Variants in CHD6 observed in about 807,000 individuals in gnomAD.
CHD6 encodes chromodomain helicase DNA binding protein 6.
Under a neutral mutation model 276.9 loss-of-function variants are expected in CHD6, and 50 were observed. That is an observed-to-expected ratio of 0.18 (90% CI 0.14 to 0.23). The LOEUF is 0.23. Among genes scored for constraint, CHD6 ranks in the 10% least tolerant of loss-of-function variants. The probability of loss-of-function intolerance (pLI) is 1.00; values close to 1 mark genes in which losing one functional copy is unlikely to be tolerated. For missense variants in CHD6, 2,564 were observed against 3,365.8 expected (o/e 0.76, Z 5.89); for synonymous variants, 1,173 against 1,229.3 (o/e 0.95, Z 0.96).
intron 5 of CHD6, among the ~76,000 whole-genome samples, chr20:41,500,804 T>G (rs1345760571): frequency 6.6e-6 from 1 of 152,086 alleles, no homozygotes; most frequent in Non-Finnish European, 1.5e-5. Context: ...ATTTTTTGAA[T>G]GCTAAATAAC....
rs766108971 is a variant in CHD6, at chr20:41,440,106, G to C, written c.3901C>G (p.Arg1301Gly). The change falls in exon 26 of 37, where the codon CGA (arginine) becomes GGA (glycine). Residue 1301 changes from arginine to glycine, a missense_variant. Arg to Gly is a moderately radical substitution (Grantham distance 125, BLOSUM62 -2). Coordinates refer to ENST00000373233, the MANE Select transcript of CHD6 (RefSeq NM_032221.5). The part of the protein sequence containing the change: ...KHGYERYNAM[R>G]ADPALCFLEK... ...AGGAAGCAAAGTGCTGGGTCTGCTC[G>C]CATGGCATTGTACCTTTCATAACCT... 1 of 1,613,852 alleles carries C rather than the reference G, an allele frequency of 6.2e-7. No homozygotes were observed.
intron 5 of CHD6, among the ~76,000 whole-genome samples, chr20:41,507,191 A>C (rs1020026850): frequency 1.3e-5 from 2 of 152,210 alleles, no homozygotes; most frequent in Non-Finnish European, 2.9e-5. Context: ...CCTACCATGA[A>C]GAATAGATAA....
intron 7 of CHD6, 124 bp from the exon 8 acceptor site, chr20:41,497,625 C>A (rs942443973): frequency 2.6e-5 from 20 of 756,252 alleles, no homozygotes; most frequent in Non-Finnish European, 4.5e-5. Flanking sequence ...TGTGAAACTG[C>A]TGGAGATTGG....
chr20:41,493,040 AAAC>A (rs2043593227), intron 10 of CHD6, among the ~76,000 whole-genome samples: 1 of 152,244 alleles, frequency 6.6e-6, no homozygotes, highest in African/African-American at 2.4e-5. Flanking sequence ...AGAATCAGAA[AAAC>A]AAATAAATTC....
intron 2 of CHD6, among the ~76,000 whole-genome samples, chr20:41,545,264 C>T (rs75591427): frequency 6.6e-6 from 1 of 152,096 alleles, no homozygotes; most frequent in African/African-American, 2.4e-5. Context: ...AATAAATCAG[C>T]GTTATTTTGC....
chr20:41,464,643 G>T (rs527570788), intron 17 of CHD6, among the ~76,000 whole-genome samples: 1 of 152,300 alleles, frequency 6.6e-6, no homozygotes, highest in South Asian at 2.1e-4. Context: ...TGTGTGGTAT[G>T]AGTGCTTGCT....
At chr20:41,524,581 C>T (rs2044482653) in intron 3 of CHD6, among the ~76,000 whole-genome samples, 1 of 152,192 alleles carries the variant, frequency 6.6e-6, no homozygotes. Flanking sequence ...TATAACCCAT[C>T]CTCAGTACAC....
intron 2 of CHD6, chr20:41,547,949 T>C: frequency 3.6e-6 from 1 of 274,298 alleles, no homozygotes; most frequent in South Asian, 4.1e-5. Context: ...AAAATTTCCA[T>C]AAAGGTTCAT....
intron 1 of CHD6, among the ~76,000 whole-genome samples, chr20:41,571,602 C>A (rs1466383938): frequency 6.6e-6 from 1 of 151,714 alleles, no homozygotes; most frequent in Non-Finnish European, 1.5e-5. Context: ...GTTGGCCAGG[C>A]TGGTCTCAAA....
At chr20:41,492,973 A>C (rs185740283) in intron 10 of CHD6, among the ~76,000 whole-genome samples, 1 of 152,334 alleles carries the variant, frequency 6.6e-6, no homozygotes, top group Non-Finnish European at 1.5e-5. Flanking sequence ...ATTGTTGGAT[A>C]ATCTATATAC....
At chr20:41,456,302 A>G (rs1463371000) in intron 18 of CHD6, among the ~76,000 whole-genome samples, 1 of 152,030 alleles carries the variant, frequency 6.6e-6, no homozygotes, top group African/African-American at 2.4e-5. Context: ...TGACATCTTT[A>G]TATTTTAGTT....
intron 1 of CHD6, among the ~76,000 whole-genome samples, chr20:41,556,028 T>C (rs2045229875): frequency 6.6e-6 from 1 of 152,190 alleles, no homozygotes; most frequent in Admixed American, 6.5e-5. Flanking sequence ...GGCTGGCGGA[T>C]CACTCGCGGT....
chr20:41,428,821 A>AAAT (rs1308760916), intron 27 of CHD6, among the ~76,000 whole-genome samples: 2 of 152,224 alleles, frequency 1.3e-5, no homozygotes, highest in African/African-American at 4.8e-5. Flanking sequence ...CAGCTGATTA[A>AAAT]AACTGAGCTC....
intron 1 of CHD6, among the ~76,000 whole-genome samples, chr20:41,603,860 C>T (rs961066265): frequency 2.0e-5 from 3 of 152,174 alleles, no homozygotes; most frequent in Non-Finnish European, 2.9e-5. Context: ...AAGAGCAAGA[C>T]TCAGTCCCAA....
intron 17 of CHD6, among the ~76,000 whole-genome samples, chr20:41,468,752 T>C (rs1424301569): frequency 6.6e-6 from 1 of 152,126 alleles, no homozygotes; most frequent in East Asian, 1.9e-4. Flanking sequence ...TGGTGGCTCA[T>C]GCCTGTAATC....
At chr20:41,599,447 C>G (rs1264720870) in intron 1 of CHD6, among the ~76,000 whole-genome samples, 1 of 152,152 alleles carries the variant, frequency 6.6e-6, no homozygotes, top group Non-Finnish European at 1.5e-5. Flanking sequence ...TCTTTACCCC[C>G]CTTGCAATTG....
Position 41,440,092 on chromosome 20 carries a change from T to C in CHD6, c.3915A>G (p.Ala1305=). ...ERYNAMRADP[A]LCFLEKVGMP... is the part of the protein sequence containing the mutation. Reference sequence around the variant, plus strand: ...TCCCAACTTTCTCCAGGAAGCAAAGTGCTGGGTCTGCTCGCATGGCATTGT... The same window carrying C: ...TCCCAACTTTCTCCAGGAAGCAAAGCGCTGGGTCTGCTCGCATGGCATTGT... The change falls in exon 26 of 37, where the codon GCA becomes GCG. Residue 1305 remains alanine (A), a synonymous_variant. Transcript: ENST00000373233. 1.9e-6 allele frequency: 3 copies of C among 1,614,088 alleles called. No homozygotes were observed. Among genetic ancestry groups the C allele is most frequent in the Non-Finnish European group, 2.5e-6 (3 of 1,179,918 alleles).
intron 12 of CHD6, 36 bp from the exon 13 acceptor site, chr20:41,488,640 C>G: frequency 1.3e-6 from 2 of 1,587,626 alleles, no homozygotes; most frequent in Non-Finnish European, 1.7e-6. Context: ...AGCTTTACAC[C>G]ATGGCTATAG....
At chr20:41,416,490 C>T in intron 33 of CHD6, 98 bp downstream of exon 33, 1 of 1,148,090 alleles carries the variant, frequency 8.7e-7, no homozygotes, top group East Asian at 2.4e-5. Context: ...AAACCCCTAT[C>T]CACTCAGTAA....
Sources: gnomAD v4.1 joint callset for allele counts (sites outside exome capture counted in the v4.1 genomes callset) on GRCh38, gnomAD v4.1.1 for gene constraint, MANE v1.5 for transcripts, NCBI Gene and HGNC (gene_info 2026-07-23, HGNC 2026-07-21) for gene names.